Variants in NXPH4 observed in about 807,000 individuals in gnomAD.
NXPH4 encodes neurexophilin-4.
In NXPH4, 8 loss-of-function variants were observed where a neutral mutation model predicts 21.3. The ratio of observed to expected loss-of-function variants is 0.38; its 90% confidence interval spans 0.22 to 0.68. The LOEUF (loss-of-function observed/expected upper bound fraction) is 0.68, where lower values mean the gene tolerates loss of function less well. Ranked by LOEUF, NXPH4 falls within the 30% of genes least tolerant of loss-of-function variation. NXPH4 has a pLI of 0.53. For synonymous variants in NXPH4, 219 were observed against 192.6 expected (o/e 1.14, Z -1.13); for missense variants, 418 against 416.8 (o/e 1.00, Z -0.03).
chr12:57,221,967 AAAGAGACTGAGAG>A (rs1426465705), intron 1 of NXPH4, among the ~76,000 whole-genome samples: 2 of 152,156 alleles, frequency 1.3e-5, no homozygotes, highest in African/African-American at 4.8e-5. Flanking sequence ...GACAGTGAGA[AAAGAGACTGAGAG>A]ACAAAAGAGA....
At chr12:57,220,339 C>A (rs1025893806) in intron 1 of NXPH4, among the ~76,000 whole-genome samples, 1 of 152,240 alleles carries the variant, frequency 6.6e-6, no homozygotes, top group African/African-American at 2.4e-5. Flanking sequence ...ACCCCCACCG[C>A]GCCCCGGAGC....
chr12:57,224,945 G>C lies in NXPH4; in HGVS notation c.125G>C (p.Gly42Ala). 7.2e-7 allele frequency: 1 copy of C among 1,397,670 alleles called. No individual in the cohort carries two copies. The highest frequency in any genetic ancestry group is 9.3e-7 in the Non-Finnish European group (1 of 1,074,288). The allele number at this position is 1,397,670 out of a possible 1,614,324, so 86.6% of individuals were successfully genotyped here. The change falls in exon 2 of 2, where the codon GGA becomes GCA. Residue 42 changes from glycine (G) to alanine (A), a missense_variant. Coordinates refer to ENST00000349394, the MANE Select transcript of NXPH4 (RefSeq NM_007224.4). ...CTGGGGCTGCGCCCCGCCGCGGCCG[G>C]AGCGGGTGCCCCCGGCCAGCAGCTC... ...QYLGLRPAAA[G>A]AGAPGQQLPE...
chr12:57,224,099 C>CTTTTTCTTTTCCTTTCCT (rs2037118785), intron 1 of NXPH4, among the ~76,000 whole-genome samples: 1 of 152,094 alleles, frequency 6.6e-6, no homozygotes, highest in Non-Finnish European at 1.5e-5. Context: ...CTTTCTTTTT[C>CTTTTTCTTTTCCTTTCCT]TTTTTCTTTT....
At chr12:57,221,604 G>A (rs1278999373) in intron 1 of NXPH4, 3 of 327,818 alleles carry the variant, frequency 9.2e-6, no homozygotes, top group Admixed American at 3.9e-5. Context: ...CCCGCTCCCC[G>A]AATGGGCCTG....
chr12:57,221,716 T>C (rs1178936495), intron 1 of NXPH4, among the ~76,000 whole-genome samples: 1 of 152,134 alleles, frequency 6.6e-6, no homozygotes, highest in Non-Finnish European at 1.5e-5. Context: ...CGCGCCCAAT[T>C]AGCTTAATTA....
chr12:57,221,850 C>T (rs1258350616), intron 1 of NXPH4, among the ~76,000 whole-genome samples: 1 of 152,206 alleles, frequency 6.6e-6, no homozygotes, highest in Admixed American at 6.5e-5. Context: ...CCCAACTCCC[C>T]CACCTCCCCC....
intron 1 of NXPH4, among the ~76,000 whole-genome samples, chr12:57,220,165 G>A (rs2037076658): frequency 6.6e-6 from 1 of 152,162 alleles, no homozygotes; most frequent in Admixed American, 6.5e-5. Flanking sequence ...GGGGTGGGAA[G>A]CAGCTGCCCA....
In NXPH4 at chr12:57,225,960, AC is replaced by A; in HGVS notation, c.*217del. The A allele has an allele frequency of 7.0e-7, 1 of 1,419,856 alleles. No homozygotes were observed. The highest frequency in any genetic ancestry group is 9.2e-7 in the Non-Finnish European group (1 of 1,088,754). The allele number at this position is 1,419,856 out of a possible 1,614,324, so 88.0% of individuals were successfully genotyped here. A position where few individuals can be genotyped will look rare whatever the true frequency, so the allele number is the denominator to read the frequency against. On this transcript the variant is annotated 3_prime_UTR_variant, in exon 2 of 2. Coordinates refer to ENST00000349394, the MANE Select transcript of NXPH4 (RefSeq NM_007224.4). ...AGGCTGGGGTAGCCCCCTCCAGTAC[AC>A]CCCAAAGTGAAAGGGATAAGAGTGC...
At chr12:57,220,253 C>A (rs1043402881) in intron 1 of NXPH4, among the ~76,000 whole-genome samples, 1 of 152,064 alleles carries the variant, frequency 6.6e-6, no homozygotes, top group Non-Finnish European at 1.5e-5. Flanking sequence ...CCTGCCCCTC[C>A]TCCACCTCCA....
In NXPH4 at chr12:57,224,968, C is replaced by A; in HGVS notation, c.148C>A (p.Leu50Ile). Reference sequence around the variant, plus strand: ...CGGAGCGGGTGCCCCCGGCCAGCAGCTCCCAGAGCCAAGGTCTTCGGACGG... The same window carrying A: ...CGGAGCGGGTGCCCCCGGCCAGCAGATCCCAGAGCCAAGGTCTTCGGACGG... ...AAGAGAPGQQ[L>I]PEPRSSDGLG... Residue 50 changes from leucine (L) to isoleucine (I), a missense_variant, in exon 2 of 2, where the codon CTC becomes ATC. Leu to Ile is a conservative substitution (Grantham distance 5). Coordinates refer to ENST00000349394, the MANE Select transcript of NXPH4 (RefSeq NM_007224.4). The A allele has an allele frequency of 7.0e-7, 1 of 1,424,394 alleles. No individual in the cohort carries two copies. Among genetic ancestry groups the A allele is most frequent in the Non-Finnish European group, 9.2e-7 (1 of 1,088,554 alleles). 88.2% of individuals were successfully genotyped at this position (1,424,394 alleles called of 1,614,324 possible).
At chr12:57,223,057 C>T (rs1452103766) in intron 1 of NXPH4, among the ~76,000 whole-genome samples, 1 of 152,126 alleles carries the variant, frequency 6.6e-6, no homozygotes, top group Non-Finnish European at 1.5e-5. Context: ...TACCTACCCA[C>T]AGCACAGCCT....
At chr12:57,222,350 TCCC>T (rs2037100373) in intron 1 of NXPH4, among the ~76,000 whole-genome samples, 1 of 151,210 alleles carries the variant, frequency 6.6e-6, no homozygotes, top group African/African-American at 2.4e-5. Context: ...CCTCCTCCCC[TCCC>T]CCTGCCCCTT....
At chr12:57,222,319 A>G (rs1280184583) in intron 1 of NXPH4, among the ~76,000 whole-genome samples, 2 of 151,554 alleles carry the variant, frequency 1.3e-5, no homozygotes, top group East Asian at 1.9e-4. Context: ...ACACCCTGGA[A>G]CCTCTCCTTA....
rs146589419 is a variant in NXPH4, at chr12:57,220,609, C to T, written c.57+3583C>T. Among the ~76,000 whole-genome samples, 430 of 152,324 alleles carry T rather than the reference C, an allele frequency of 2.8e-3. 2 individuals carry two copies. The highest frequency in any genetic ancestry group is 4.5e-3 in the Non-Finnish European group (303 of 68,010). Reference sequence around the variant, plus strand: ...CCACCCCACCAGCGGTCCCCGCCCCCTCATGCAGTGGTAGGGTCTGGAAAG... The same window carrying T: ...CCACCCCACCAGCGGTCCCCGCCCCTTCATGCAGTGGTAGGGTCTGGAAAG... On this transcript the variant is annotated intron_variant, in intron 1 of 1. Transcript: ENST00000349394.
At chr12:57,220,259 CT>C (rs1286694306) in intron 1 of NXPH4, among the ~76,000 whole-genome samples, 2 of 152,164 alleles carry the variant, frequency 1.3e-5, no homozygotes, top group Non-Finnish European at 2.9e-5. Context: ...CCTCCTCCAC[CT>C]CCACCCCGCC....
intron 1 of NXPH4, among the ~76,000 whole-genome samples, chr12:57,218,459 G>T (rs1474697009): frequency 6.6e-6 from 1 of 152,228 alleles, no homozygotes; most frequent in East Asian, 1.9e-4. Flanking sequence ...ATGTGTGAAG[G>T]CCTGGGGTCA....
chr12:57,225,367 G>T lies in NXPH4; in HGVS notation c.547G>T (p.Glu183Ter). ...CCCTCTGCAGTCTACGCTCGCCCTG[G>T]AGGGGGTGCTTCCTGGGCTGGGGCC... is the stretch of plus-strand genomic sequence containing the variant. ...PHPLQSTLALEGVLPGLGPPL... is the reference protein window; with the variant it reads ...PHPLQSTLAL The change falls in exon 2 of 2, where the codon GAG (glutamate) becomes TAG (stop). Residue 183 changes from glutamate (E) to a stop codon, truncating the protein, a stop_gained. Transcript: ENST00000349394. LOFTEE classifies it high-confidence loss of function. 6.3e-7 allele frequency: 1 copy of T among 1,589,126 alleles called. No individual in the cohort carries two copies.
chr12:57,220,734 CCT>C (rs1403486529), intron 1 of NXPH4, among the ~76,000 whole-genome samples: 9 of 151,870 alleles, frequency 5.9e-5, no homozygotes, highest in African/African-American at 1.2e-4. Flanking sequence ...GTCCTCAGCC[CCT>C]GTCTCTGTCC....
intron 1 of NXPH4, among the ~76,000 whole-genome samples, chr12:57,218,107 G>A (rs1458289855): frequency 6.6e-6 from 1 of 152,174 alleles, no homozygotes; most frequent in African/African-American, 2.4e-5. Context: ...TAGTTTGGGG[G>A]CAGGCAGGTC....
Sources: allele counts gnomAD v4.1 joint callset (sites outside exome capture counted in the v4.1 genomes callset), GRCh38; gene constraint gnomAD v4.1.1; transcripts MANE v1.5; gene names NCBI Gene and HGNC (gene_info 2026-07-23, HGNC 2026-07-21).